RGS7: variants seen among roughly 807,000 people sequenced by gnomAD.
RGS7 encodes the protein regulator of G-protein signaling 7.
RGS7 carries 27 observed loss-of-function variants against 81.1 expected under a neutral mutation model. That is an observed-to-expected ratio of 0.33 (90% CI 0.25 to 0.46). RGS7 has a LOEUF of 0.46. RGS7 is among the 20% of genes least tolerant of loss of function. The pLI is 1.00. For missense variants in RGS7, 396 were observed against 607.4 expected, an observed-to-expected ratio of 0.65 and a Z score of 3.66; for synonymous variants, 208 against 207.7, an observed-to-expected ratio of 1.00 and a Z score of -0.01.
chr1:240,986,066 T>C (rs1283216072), intron 3 of RGS7, among the ~76,000 whole-genome samples: 4 of 152,136 alleles, frequency 2.6e-5, no homozygotes, highest in African/African-American at 9.7e-5. Context: ...TACCTTGATT[T>C]TGGAGCCCTC....
chr1:241,275,460 G>A (rs1316607249), intron 2 of RGS7, among the ~76,000 whole-genome samples: 1 of 152,086 alleles, frequency 6.6e-6, no homozygotes, highest in Non-Finnish European at 1.5e-5. Flanking sequence ...GGTCGCCTTG[G>A]CTTCCTTTTG....
intron 2 of RGS7, among the ~76,000 whole-genome samples, chr1:241,233,800 G>GT (rs148344377): frequency 1.2e-3 from 173 of 143,548 alleles, no homozygotes; most frequent in East Asian, 2.3e-3. Context: ...TTTTAGTTTA[G>GT]TTTTTTTTTT....
At position 241,239,427 on chromosome 1, in the gene RGS7, A is replaced by C. The variant is rs2076161139; in HGVS notation, c.78+116272T>G. Among the ~76,000 whole-genome samples, 4 of 152,128 alleles carry C rather than the reference A, an allele frequency of 2.6e-5. No individual in the cohort carries two copies. In the South Asian group the frequency reaches 8.3e-4, roughly 32 times the overall value. On this transcript the variant is annotated intron_variant, in intron 2 of 18. Transcript: ENST00000440928. ...ACCTTACATGCAGAGCAGTCTTTGT[A>C]AATCACAAATCTCATCATGTCCCCC...
intron 3 of RGS7, among the ~76,000 whole-genome samples, chr1:241,093,815 A>G (rs536220458): frequency 2.0e-5 from 3 of 151,800 alleles, no homozygotes; most frequent in Non-Finnish European, 4.4e-5. Context: ...TCCTTTTATA[A>G]CATTTTTCAT....
intron 3 of RGS7, among the ~76,000 whole-genome samples, chr1:241,095,834 A>G (rs938317230): frequency 2.0e-5 from 3 of 152,186 alleles, no homozygotes; most frequent in Admixed American, 1.3e-4. Flanking sequence ...ATTGTTAACT[A>G]TAGTCATTCT....
intron 2 of RGS7, among the ~76,000 whole-genome samples, chr1:241,137,351 A>G (rs997364514): frequency 6.6e-6 from 1 of 152,232 alleles, no homozygotes; most frequent in Non-Finnish European, 1.5e-5. Flanking sequence ...ATTATGAATT[A>G]TAACCAAATT....
At chr1:241,100,030 C>A (rs565566205) in intron 2 of RGS7, among the ~76,000 whole-genome samples, 2 of 151,518 alleles carry the variant, frequency 1.3e-5, no homozygotes, top group South Asian at 2.1e-4. Flanking sequence ...AAAATTATTT[C>A]AAAGTAAACA....
In RGS7 at chr1:240,956,852, GA is replaced by G. The variant is rs572143340; in HGVS notation, c.227-20147del. 6.5e-3 allele frequency among the ~76,000 whole-genome samples: 905 copies of G among 138,794 alleles called. 9 individuals are homozygous for G. Among genetic ancestry groups the G allele is most frequent in the African/African-American group, 0.022 (840 of 37,912 alleles). The allele number at this position is 138,794 out of a possible 152,430, so 91.1% of individuals were successfully genotyped here. ...ACCCATAACCTCAGACTAATCAGGA[GA>G]AAAAAAAAAACGTTAAACAAATCCT... On this transcript the variant is annotated intron_variant, in intron 4 of 18. Coordinates refer to ENST00000440928, the MANE Select transcript of RGS7 (RefSeq NM_001364886.1).
At chr1:240,974,840 C>A (rs1301352863) in intron 4 of RGS7, among the ~76,000 whole-genome samples, 1 of 152,024 alleles carries the variant, frequency 6.6e-6, no homozygotes, top group Non-Finnish European at 1.5e-5. Context: ...AAGATTCTGG[C>A]CCACTTGCAT....
At chr1:240,958,287 T>A (rs567897056) in intron 4 of RGS7, among the ~76,000 whole-genome samples, 1 of 152,348 alleles carries the variant, frequency 6.6e-6, no homozygotes, top group East Asian at 1.9e-4. Flanking sequence ...ATTTTTCAGC[T>A]TCGTTATCTT....
intron 3 of RGS7, among the ~76,000 whole-genome samples, chr1:241,024,509 T>C (rs1037880548): frequency 6.6e-6 from 1 of 152,224 alleles, no homozygotes; most frequent in African/African-American, 2.4e-5. Flanking sequence ...GATGAGCTAG[T>C]ATACCAGTGA....
intron 5 of RGS7, among the ~76,000 whole-genome samples, chr1:240,934,513 T>C (rs1339773160): frequency 6.6e-6 from 1 of 152,222 alleles, no homozygotes; most frequent in Non-Finnish European, 1.5e-5. Flanking sequence ...GACATTATAG[T>C]AGAAATTCAG....
chr1:241,186,187 A>C (rs2072082779), intron 2 of RGS7, among the ~76,000 whole-genome samples: 1 of 152,184 alleles, frequency 6.6e-6, no homozygotes, highest in African/African-American at 2.4e-5. Context: ...GGAATGTCAC[A>C]AACTAGATAC....
intron 3 of RGS7, among the ~76,000 whole-genome samples, chr1:241,061,593 G>A (rs7541481): frequency 0.066 from 10,063 of 152,030 alleles, 430 homozygotes; most frequent in East Asian, 0.14. Context: ...ACATAAATAG[G>A]GTGCTTGGGA....
chr1:240,824,755 G>C (rs1418202139), intron 10 of RGS7, among the ~76,000 whole-genome samples: 1 of 152,220 alleles, frequency 6.6e-6, no homozygotes, highest in African/African-American at 2.4e-5. Flanking sequence ...TATATTTGGA[G>C]ATCAGGCCTG....
intron 2 of RGS7, among the ~76,000 whole-genome samples, chr1:241,216,948 G>C (rs946803646): frequency 1.3e-5 from 2 of 152,180 alleles, no homozygotes; most frequent in Non-Finnish European, 2.9e-5. Context: ...TGATTGCTTA[G>C]TTATTTGAGC....
chr1:241,164,822 C>CT lies in RGS7; in HGVS notation c.79-66061dup. On this transcript the variant is annotated intron_variant, in intron 2 of 18. Coordinates refer to ENST00000440928, the MANE Select transcript of RGS7 (RefSeq NM_001364886.1). This position sits in a 1 kb window ranked among gnomAD's most constrained non-coding sequence, Gnocchi z 4.1. ...TCAATACATTCTAATACCGAGGCAACTTTTTTCTCAGTAATCTAAATTTAG... is the reference window on the plus strand; with the variant it reads ...TCAATACATTCTAATACCGAGGCAACTTTTTTTCTCAGTAATCTAAATTTAG... Among the ~76,000 whole-genome samples, 1 of 151,728 alleles carries CT rather than the reference C, an allele frequency of 6.6e-6. No homozygotes were observed. The highest frequency in any genetic ancestry group is 1.5e-5 in the Non-Finnish European group (1 of 67,682).
intron 2 of RGS7, among the ~76,000 whole-genome samples, chr1:241,134,338 A>T (rs2067337524): frequency 6.6e-6 from 1 of 152,220 alleles, no homozygotes; most frequent in Non-Finnish European, 1.5e-5. Flanking sequence ...CATATGACAA[A>T]TCCAGACTGA....
intron 3 of RGS7, among the ~76,000 whole-genome samples, chr1:241,007,020 G>T (rs929343333): frequency 6.6e-6 from 1 of 152,074 alleles, no homozygotes; most frequent in Non-Finnish European, 1.5e-5. Flanking sequence ...GGGATCAAGC[G>T]ATTCTCCTGT....
Sources: gnomAD v4.1 joint callset for allele counts (sites outside exome capture counted in the v4.1 genomes callset) on GRCh38, gnomAD v4.1.1 for gene constraint, Gnocchi (gnomAD v3.1) non-coding constraint, MANE v1.5 for transcripts, NCBI Gene and HGNC (gene_info 2026-07-23, HGNC 2026-07-21) for gene names.